Variants in CEP162 observed in about 807,000 individuals in gnomAD.
CEP162 encodes centrosomal protein of 162 kDa.
Under a neutral mutation model 169.2 loss-of-function variants are expected in CEP162, and 141 were observed. That is an observed-to-expected ratio of 0.83 (90% CI 0.73 to 0.96). The LOEUF is 0.96. CEP162 is among the 40% of genes least tolerant of loss of function. CEP162 has a pLI of 0.00. For missense variants in CEP162, 1,600 were observed against 1,587.2 expected (o/e 1.01, Z -0.14); for synonymous variants, 540 against 526.4 (o/e 1.03, Z -0.35).
intron 6 of CEP162, among the ~76,000 whole-genome samples, chr6:84,208,080 T>C (rs1462822090): frequency 6.6e-6 from 1 of 151,764 alleles, no homozygotes; most frequent in East Asian, 1.9e-4. Flanking sequence ...CTAGTACTTA[T>C]GAAAGATCTC....
chr6:84,159,861 C>T (rs561788737), intron 21 of CEP162, among the ~76,000 whole-genome samples: 5 of 152,026 alleles, frequency 3.3e-5, no homozygotes, highest in South Asian at 2.1e-4. Context: ...GGATTACAGG[C>T]GTGAGCCACC....
At chr6:84,136,277 CACAG>C (rs1168040785) in intron 25 of CEP162, among the ~76,000 whole-genome samples, 2 of 152,110 alleles carry the variant, frequency 1.3e-5, no homozygotes, top group Non-Finnish European at 2.9e-5. Flanking sequence ...AACCAAATAC[CACAG>C]ACATTTATTT....
intron 7 of CEP162, 138 bp downstream of exon 7, chr6:84,203,843 A>C: frequency 4.5e-6 from 2 of 440,378 alleles, no homozygotes; most frequent in Non-Finnish European, 8.0e-6. Context: ...TGTTTAACTG[A>C]GTATTAGGAG....
chr6:84,175,293 T>A lies in CEP162; in HGVS notation c.1718A>T (p.His573Leu), dbSNP rs764214451. 3.8e-5 allele frequency: 59 copies of A among 1,546,636 alleles called. No individual in the cohort carries two copies. The Admixed American group carries it at 5.0e-4, about 13-fold the overall frequency. The change falls in exon 14 of 27, where the codon CAC (histidine) becomes CTC (leucine). Residue 573 changes from histidine (H) to leucine (L), a missense_variant. His to Leu is a moderately conservative substitution (Grantham distance 99, BLOSUM62 -3). Coordinates refer to ENST00000403245, the MANE Select transcript of CEP162 (RefSeq NM_014895.4). Reference sequence around the variant, plus strand: ...AGTAGACAGGCAACTTTCAGTTTTGTGAGCTGGTTTATCCAAAGCTGCAGG... The same window carrying A: ...AGTAGACAGGCAACTTTCAGTTTTGAGAGCTGGTTTATCCAAAGCTGCAGG... ...IKPAALDKPAHKTESCLSTRK... is the reference protein window; with the variant it reads ...IKPAALDKPALKTESCLSTRK...
intron 18 of CEP162, among the ~76,000 whole-genome samples, chr6:84,164,481 T>A (rs2099527012): frequency 6.6e-6 from 1 of 152,002 alleles, no homozygotes; most frequent in African/African-American, 2.4e-5. Context: ...ATAAAGAAAA[T>A]GTGGCACATG....
At chr6:84,126,290 A>G in intron 26 of CEP162, 88 bp downstream of exon 26, 5 of 942,944 alleles carry the variant, frequency 5.3e-6, no homozygotes, top group Non-Finnish European at 7.3e-6. Flanking sequence ...TTAAGTGGTA[A>G]TTTTTGCTAG....
chr6:84,175,193 T>A (rs2099531927), intron 14 of CEP162, 21 bp downstream of exon 14: 1 of 1,442,646 alleles, frequency 6.9e-7, no homozygotes, highest in African/African-American at 1.4e-5. Context: ...AACATTATGA[T>A]TATTAATTTT....
At chr6:84,145,530 AAC>A (rs1338005345) in intron 25 of CEP162, among the ~76,000 whole-genome samples, 7 of 152,140 alleles carry the variant, frequency 4.6e-5, no homozygotes, top group Admixed American at 2.6e-4. Context: ...AGAAAACTGT[AAC>A]ACACCCTTGT....
chr6:84,215,171 A>T, intron 5 of CEP162, 111 bp downstream of exon 5: 1 of 542,594 alleles, frequency 1.8e-6, no homozygotes, highest in Non-Finnish European at 3.0e-6. Flanking sequence ...TTTAAAAAAT[A>T]AGATTTAAGT....
Position 84,158,855 on chromosome 6 carries a change from T to C in CEP162, c.2781+1957A>G, listed in dbSNP as rs564003341. On this transcript the variant is annotated intron_variant, in intron 21 of 26. Transcript: ENST00000403245. The stretch of plus-strand genomic sequence containing the variant: ...TGGGAAAAATGAGATTTTATTTGTA[T>C]CTTCTTTAATTTTGCTTTTTAATAT... Among the ~76,000 whole-genome samples the C allele has an allele frequency of 4.6e-5, 7 of 152,068 alleles. No homozygotes were observed. In the South Asian group the frequency reaches 1.0e-3, roughly 22 times the overall value.
rs1464920853 is a variant in CEP162 at position 84,146,791 on chromosome 6, A to G, written c.3772-6T>C. On this transcript the variant is annotated splice_region_variant and splice_polypyrimidine_tract_variant and intron_variant, in intron 24 of 26. Coordinates refer to ENST00000403245, the MANE Select transcript of CEP162 (RefSeq NM_014895.4). ...TGGAAATGTCTTATAAGTACCTAGG[A>G]AATTGTTAGAAGTGCTGAGTTAATA... 7.6e-6 allele frequency: 11 copies of G among 1,446,208 alleles called. No homozygotes were observed. The highest frequency in any genetic ancestry group is 1.0e-5 in the Non-Finnish European group (11 of 1,053,078). The allele number at this position is 1,446,208 out of a possible 1,614,324, so 89.6% of individuals were successfully genotyped here.
At position 84,175,375 on chromosome 6, in the gene CEP162, C is replaced by T. The variant is rs1244509169; in HGVS notation, c.1664-28G>A. On this transcript the variant is annotated intron_variant, in intron 13 of 26. Transcript: ENST00000403245. The stretch of plus-strand genomic sequence containing the variant: ...AAATATTATAAACAATGTATAAATG[C>T]ACCACAAATGTAAAGTTAAATGTAT... 4.1e-6 allele frequency: 6 copies of T among 1,473,846 alleles called. No individual in the cohort carries two copies. The African/African-American group carries it at 4.2e-5, about 10-fold the overall frequency. The allele number at this position is 1,473,846 out of a possible 1,614,324, so 91.3% of individuals were successfully genotyped here.
chr6:84,159,780 C>T (rs2099524983), intron 21 of CEP162, among the ~76,000 whole-genome samples: 1 of 151,088 alleles, frequency 6.6e-6, no homozygotes. Context: ...GAGGGTTTCA[C>T]CATGTTGGCC....
At position 84,193,601 on chromosome 6, in the gene CEP162, A is replaced by G; in HGVS notation, c.1109+8T>C. 1 of 1,517,576 alleles carries G rather than the reference A, an allele frequency of 6.6e-7. No homozygotes were observed. The highest frequency in any genetic ancestry group is 2.0e-5 in the Admixed American group (1 of 49,204). 94.0% of individuals were successfully genotyped at this position (1,517,576 alleles called of 1,614,324 possible). On this transcript the variant is annotated splice_region_variant and intron_variant, in intron 11 of 26. Transcript: ENST00000403245. ...CCAATGACAAAACAATAAATAAAAA[A>G]TTCATACCTGACAGGTTGTAAATCA... is the stretch of plus-strand genomic sequence containing the variant.
At chr6:84,170,121 C>T (rs779248918) in intron 17 of CEP162, among the ~76,000 whole-genome samples, 1 of 152,024 alleles carries the variant, frequency 6.6e-6, no homozygotes, top group Non-Finnish European at 1.5e-5. Context: ...CGCCTGTAAT[C>T]CCAGCACGTT....
chr6:84,143,809 A>G (rs1329824120), intron 25 of CEP162, among the ~76,000 whole-genome samples: 4 of 151,998 alleles, frequency 2.6e-5, no homozygotes, highest in African/African-American at 9.7e-5. Context: ...TCTGCTCTTG[A>G]TAAGAGATTA....
intron 24 of CEP162, among the ~76,000 whole-genome samples, chr6:84,147,370 T>G (rs891544509): frequency 6.6e-6 from 1 of 152,040 alleles, no homozygotes; most frequent in Non-Finnish European, 1.5e-5. Context: ...TGGTTATGGG[T>G]ACAAACATAC....
chr6:84,147,448 A>G (rs2099519375), intron 24 of CEP162, among the ~76,000 whole-genome samples: 2 of 152,114 alleles, frequency 1.3e-5, no homozygotes, highest in Non-Finnish European at 2.9e-5. Flanking sequence ...ACTTGGCAAC[A>G]ATATTATGTG....
intron 9 of CEP162, among the ~76,000 whole-genome samples, chr6:84,195,321 A>C (rs2099541673): frequency 6.6e-6 from 1 of 152,164 alleles, no homozygotes; most frequent in African/African-American, 2.4e-5. Context: ...TCTTTCTCCT[A>C]CTATTCTTAA....
Sources: allele counts gnomAD v4.1 joint callset (sites outside exome capture counted in the v4.1 genomes callset), GRCh38; gene constraint gnomAD v4.1.1; transcripts MANE v1.5; gene names NCBI Gene and HGNC (gene_info 2026-07-23, HGNC 2026-07-21).